Variants in NRG3 observed in about 807,000 individuals in gnomAD.
NRG3 encodes neuregulin 3.
A neutral mutation model predicts 66.9 loss-of-function variants in NRG3; 31 were observed. The observed-to-expected ratio is 0.46, with a 90% confidence interval of 0.35 to 0.63. The LOEUF (loss-of-function observed/expected upper bound fraction) is 0.63, where lower values mean the gene tolerates loss of function less well. Among genes scored for constraint, NRG3 ranks in the 20% least tolerant of loss-of-function variants. The pLI is 0.00. For missense variants in NRG3, 910 were observed against 878.9 expected (o/e 1.04, Z -0.45); for synonymous variants, 393 against 359.4 (o/e 1.09, Z -1.06).
chr10:82,969,365 C>T (rs980548313), intron 6 of NRG3, among the ~76,000 whole-genome samples: 8 of 152,168 alleles, frequency 5.3e-5, no homozygotes, highest in African/African-American at 1.9e-4. Flanking sequence ...ATAAACATGT[C>T]CATTCATCTG....
intron 2 of NRG3, among the ~76,000 whole-genome samples, chr10:82,385,866 C>G (rs1449819452): frequency 6.6e-6 from 1 of 152,080 alleles, no homozygotes; most frequent in Non-Finnish European, 1.5e-5. Context: ...AATGTTTTAG[C>G]TATTAAACCA....
intron 2 of NRG3, among the ~76,000 whole-genome samples, chr10:82,459,905 T>C (rs2091436438): frequency 6.6e-6 from 1 of 152,194 alleles, no homozygotes; most frequent in Admixed American, 6.5e-5. Flanking sequence ...GCTCTGGTTG[T>C]CAGGAGTATG....
rs146581319 is a variant in NRG3, at chr10:82,123,850, G to C, written c.824-234889G>C. Among the ~76,000 whole-genome samples the C allele has an allele frequency of 1.2e-3, 183 of 149,936 alleles. 3 individuals are homozygous for C. The highest frequency in any genetic ancestry group is 2.1e-3 in the Non-Finnish European group (138 of 66,544). On this transcript the variant is annotated intron_variant, in intron 1 of 8. Coordinates refer to ENST00000372141, the MANE Select transcript of NRG3 (RefSeq NM_001010848.4). ...GGAGCATCTGGATCTGTATGACCTG[G>C]AAGGCAGCAATTGGCATTAGTTTCT...
At chr10:82,645,484 T>C (rs1263421330) in intron 2 of NRG3, among the ~76,000 whole-genome samples, 1 of 152,176 alleles carries the variant, frequency 6.6e-6, no homozygotes, top group African/African-American at 2.4e-5. Context: ...CTGCTGTCAG[T>C]GTTCCAGTTC....
chr10:82,215,286 A>G (rs2075608913), intron 1 of NRG3, among the ~76,000 whole-genome samples: 1 of 152,208 alleles, frequency 6.6e-6, no homozygotes, highest in African/African-American at 2.4e-5. Context: ...AAATGGAACA[A>G]TATGGCTTTT....
intron 1 of NRG3, among the ~76,000 whole-genome samples, chr10:82,007,052 A>G (rs2061399197): frequency 6.6e-6 from 1 of 152,120 alleles, no homozygotes; most frequent in East Asian, 1.9e-4. Context: ...TGAGCATGAT[A>G]TATAGCTCGT....
At chr10:82,640,320 C>T (rs1479141234) in intron 2 of NRG3, among the ~76,000 whole-genome samples, 1 of 152,184 alleles carries the variant, frequency 6.6e-6, no homozygotes, top group Non-Finnish European at 1.5e-5. Flanking sequence ...CCATGGAATA[C>T]TATGGAGCCC....
intron 3 of NRG3, among the ~76,000 whole-genome samples, chr10:82,826,012 T>C (rs1167285453): frequency 1.3e-5 from 2 of 152,194 alleles, no homozygotes; most frequent in African/African-American, 4.8e-5. Context: ...TTTAGCTTAT[T>C]GTATTGTACC....
chr10:82,115,737 C>T (rs1347188294), intron 1 of NRG3, among the ~76,000 whole-genome samples: 2 of 152,094 alleles, frequency 1.3e-5, no homozygotes, highest in African/African-American at 4.8e-5. Flanking sequence ...GGGTTTGGTC[C>T]TGTTATAGAA....
At chr10:82,138,384 G>A (rs2069518906) in intron 1 of NRG3, among the ~76,000 whole-genome samples, 1 of 152,070 alleles carries the variant, frequency 6.6e-6, no homozygotes, top group Admixed American at 6.6e-5. Context: ...TACTATATTG[G>A]CCCACATAGA....
intron 1 of NRG3, among the ~76,000 whole-genome samples, chr10:82,100,049 A>G (rs541885467): frequency 2.9e-3 from 438 of 151,682 alleles, no homozygotes; most frequent in South Asian, 5.0e-3. Context: ...TGAAGATGGA[A>G]TACCTCTTTA....
chr10:81,941,727 G>T (rs1354313162), intron 1 of NRG3, among the ~76,000 whole-genome samples: 1 of 152,070 alleles, frequency 6.6e-6, no homozygotes, highest in Admixed American at 6.6e-5. Flanking sequence ...CGCAGTTCTG[G>T]GGCATTCTGG....
At chr10:82,000,308 A>G (rs560135367) in intron 1 of NRG3, among the ~76,000 whole-genome samples, 31 of 152,296 alleles carry the variant, frequency 2.0e-4, no homozygotes, top group African/African-American at 7.0e-4. Context: ...ACAGAAAACA[A>G]TTATGGTATT....
chr10:82,361,598 TAA>T (rs2084146229), intron 2 of NRG3, among the ~76,000 whole-genome samples: 1 of 152,220 alleles, frequency 6.6e-6, no homozygotes, highest in Non-Finnish European at 1.5e-5. Context: ...CTCCTATCAC[TAA>T]GATACTATTG....
At chr10:82,839,859 ACAAT>A (rs2062968829) in intron 3 of NRG3, among the ~76,000 whole-genome samples, 1 of 152,126 alleles carries the variant, frequency 6.6e-6, no homozygotes, top group South Asian at 2.1e-4. Flanking sequence ...ATCTTTCTAA[ACAAT>A]CACTCTGCTG....
Position 82,845,061 on chromosome 10 carries a change from A to G in NRG3, c.1028-20350A>G, listed in dbSNP as rs553031207. Among the ~76,000 whole-genome samples, 427 of 152,302 alleles carry G rather than the reference A, an allele frequency of 2.8e-3. 1 individual carries two copies. The highest frequency in any genetic ancestry group is 0.01 in the Middle Eastern group (3 of 294). ...TCCCAGCTACCTGGGAGGCTGAGGC[A>G]GGAGGAACTCTTGAACCCGGGACGC... On this transcript the variant is annotated intron_variant, in intron 3 of 8. Coordinates refer to ENST00000372141, the MANE Select transcript of NRG3 (RefSeq NM_001010848.4).
chr10:82,354,289 C>T (rs140231660), intron 1 of NRG3, among the ~76,000 whole-genome samples: 6 of 152,110 alleles, frequency 3.9e-5, no homozygotes, highest in African/African-American at 1.2e-4. Flanking sequence ...GATCCTCCCA[C>T]CTTGGCTCCT....
At chr10:81,881,878 C>T (rs1027394890) in intron 1 of NRG3, among the ~76,000 whole-genome samples, 2 of 151,806 alleles carry the variant, frequency 1.3e-5, no homozygotes, top group African/African-American at 4.8e-5. Flanking sequence ...CGAAGGAATC[C>T]GTATGCAGAT....
At chr10:82,501,165 G>A (rs766650873) in intron 2 of NRG3, among the ~76,000 whole-genome samples, 47 of 152,220 alleles carry the variant, frequency 3.1e-4, no homozygotes, top group Admixed American at 6.5e-4. Flanking sequence ...AAGAGATCAG[G>A]ACATTGGTGA....
Sources: allele counts gnomAD v4.1 joint callset (sites outside exome capture counted in the v4.1 genomes callset), GRCh38; gene constraint gnomAD v4.1.1; transcripts MANE v1.5; gene names NCBI Gene and HGNC (gene_info 2026-07-23, HGNC 2026-07-21).